SUPT3H: variants seen among roughly 807,000 people sequenced by gnomAD.
SUPT3H encodes transcription initiation protein SPT3 homolog.
Under a neutral mutation model 44.3 loss-of-function variants are expected in SUPT3H, and 44 were observed. The observed-to-expected ratio is 0.99, with a 90% CI of 0.78 to 1.28. SUPT3H has a LOEUF of 1.28. SUPT3H is among the 50% of genes most tolerant of loss of function. The pLI, the probability that SUPT3H is intolerant of heterozygous loss-of-function variation, is 0.00. For synonymous variants in SUPT3H, 124 were observed against 125.6 expected (o/e 0.99, Z 0.09); for missense variants, 380 against 387.1 (o/e 0.98, Z 0.15).
chr6:45,247,263 C>T (rs1017269652), intron 2 of SUPT3H, among the ~76,000 whole-genome samples: 2 of 152,168 alleles, frequency 1.3e-5, no homozygotes, highest in African/African-American at 4.8e-5. Context: ...TTGAGCAGCC[C>T]TTCTGCTATC....
At chr6:45,318,475 C>G (rs1413852835) in intron 2 of SUPT3H, among the ~76,000 whole-genome samples, 8 of 152,016 alleles carry the variant, frequency 5.3e-5, no homozygotes, top group Admixed American at 2.6e-4. Context: ...ACCACCAATG[C>G]AAGATATTAG....
At chr6:45,089,028 T>C (rs73444990) in intron 3 of SUPT3H, among the ~76,000 whole-genome samples, 227 of 152,128 alleles carry the variant, frequency 1.5e-3, no homozygotes, top group African/African-American at 5.3e-3. Context: ...ATTCAGTACA[T>C]TGAGATATGG....
chr6:45,229,766 AGT>A (rs1767613423), intron 2 of SUPT3H, among the ~76,000 whole-genome samples: 1 of 152,146 alleles, frequency 6.6e-6, no homozygotes, highest in Admixed American at 6.5e-5. Flanking sequence ...TGCAAAAAAA[AGT>A]GTAATGATCA....
chr6:44,898,248 T>G (rs557596674), intron 10 of SUPT3H, among the ~76,000 whole-genome samples: 1 of 152,224 alleles, frequency 6.6e-6, no homozygotes, highest in South Asian at 2.1e-4. Context: ...CATGCCCTTA[T>G]GTATAGTTCC....
chr6:45,347,261 A>AACTACATT (rs1236176797), intron 2 of SUPT3H, among the ~76,000 whole-genome samples: 3 of 152,192 alleles, frequency 2.0e-5, no homozygotes, highest in Admixed American at 6.5e-5. Flanking sequence ...ACAGTGAATA[A>AACTACATT]TTAAATTTCT....
rs528050670 is a variant in SUPT3H at position 45,156,675 on chromosome 6, TTATGAG to T, written c.102-50675_102-50670del. On this transcript the variant is annotated intron_variant, in intron 2 of 10. Transcript: ENST00000371459. ...TTAACCCAAAGAAACATAAATAAGT[TTATGAG>T]TATAACAAGAAATGAGTTTTTTAAA... 3.2e-3 allele frequency among the ~76,000 whole-genome samples: 489 copies of T among 151,832 alleles called. 5 individuals carry two copies. Among genetic ancestry groups the T allele is most frequent in the Non-Finnish European group, 5.3e-3 (363 of 67,938 alleles).
intron 4 of SUPT3H, among the ~76,000 whole-genome samples, chr6:45,019,217 G>C (rs1184219929): frequency 6.6e-6 from 1 of 151,952 alleles, no homozygotes; most frequent in Non-Finnish European, 1.5e-5. Flanking sequence ...TTTTTATTAT[G>C]TCTATTTGAT....
intron 10 of SUPT3H, among the ~76,000 whole-genome samples, chr6:44,908,287 G>A (rs904792148): frequency 6.6e-6 from 1 of 151,626 alleles, no homozygotes; most frequent in Non-Finnish European, 1.5e-5. Flanking sequence ...AAGTAGCTGG[G>A]ACTACAGGCG....
At chr6:45,244,241 G>C (rs1770938612) in intron 2 of SUPT3H, among the ~76,000 whole-genome samples, 1 of 152,084 alleles carries the variant, frequency 6.6e-6, no homozygotes, top group Non-Finnish European at 1.5e-5. Context: ...TCACCTATAG[G>C]AGCCATTACA....
chr6:44,947,068 CAG>C (rs1241447259), intron 9 of SUPT3H, among the ~76,000 whole-genome samples: 1 of 152,080 alleles, frequency 6.6e-6, no homozygotes, highest in African/African-American at 2.4e-5. Flanking sequence ...GCAAATGACT[CAG>C]ATAATAATTA....
intron 2 of SUPT3H, among the ~76,000 whole-genome samples, chr6:45,130,106 T>C (rs981482129): frequency 2.6e-5 from 4 of 152,134 alleles, no homozygotes; most frequent in Non-Finnish European, 5.9e-5. Flanking sequence ...TGTGAAACCA[T>C]CACATTAATC....
intron 2 of SUPT3H, among the ~76,000 whole-genome samples, chr6:45,230,686 A>ATATATATATATATTTTTTTTTTTTTT (rs796866510): frequency 3.8e-4 from 44 of 116,784 alleles, no homozygotes; most frequent in Non-Finnish European, 6.2e-4. Context: ...ATATATATAT[A>ATATATATATATATTTTTTTTTTTTTT]TTTTTGAGAT....
chr6:45,339,443 T>C (rs1256646985), intron 2 of SUPT3H, among the ~76,000 whole-genome samples: 1 of 152,180 alleles, frequency 6.6e-6, no homozygotes, highest in Non-Finnish European at 1.5e-5. Flanking sequence ...TAATTCCAAA[T>C]TGTGTCCCCA....
chr6:44,988,358 T>C (rs1378791227), intron 6 of SUPT3H, among the ~76,000 whole-genome samples: 1 of 151,538 alleles, frequency 6.6e-6, no homozygotes, highest in Non-Finnish European at 1.5e-5. Flanking sequence ...ACAATCTAAC[T>C]ACTATGCAAC....
chr6:45,048,850 TAG>T (rs1057219351), intron 3 of SUPT3H, among the ~76,000 whole-genome samples: 3 of 151,170 alleles, frequency 2.0e-5, no homozygotes, highest in Non-Finnish European at 4.4e-5. Flanking sequence ...CTCACGGAAG[TAG>T]AGAGTAGAAT....
chr6:45,077,065 T>C (rs1257891419), intron 3 of SUPT3H, among the ~76,000 whole-genome samples: 6 of 152,158 alleles, frequency 3.9e-5, no homozygotes, highest in African/African-American at 1.4e-4. Context: ...CTCAACTCTC[T>C]TTCTAATCTC....
intron 2 of SUPT3H, among the ~76,000 whole-genome samples, chr6:45,325,761 G>A (rs550458164): frequency 7.9e-5 from 12 of 151,866 alleles, no homozygotes; most frequent in South Asian, 2.1e-4. Flanking sequence ...TCTTCACCAC[G>A]TGTAGTAAGC....
downstream of SUPT3H, among the ~76,000 whole-genome samples, chr6:44,823,041 C>T (rs1435008228): frequency 3.3e-5 from 5 of 150,982 alleles, no homozygotes; most frequent in Non-Finnish European, 5.9e-5. Flanking sequence ...TTGCTTGAAC[C>T]CGGGAGGCGG....
intron 3 of SUPT3H, among the ~76,000 whole-genome samples, chr6:45,035,128 T>C (rs1054682666): frequency 1.2e-4 from 19 of 152,170 alleles, no homozygotes; most frequent in Admixed American, 6.6e-4. Context: ...ACATGTTTTG[T>C]TTTTGGTGTA....
Sources: allele counts gnomAD v4.1 joint callset (sites outside exome capture counted in the v4.1 genomes callset), GRCh38; gene constraint gnomAD v4.1.1; transcripts MANE v1.5; gene names NCBI Gene and HGNC (gene_info 2026-07-23, HGNC 2026-07-21).